Variants in MOK observed in about 807,000 individuals in gnomAD.
MOK encodes MOK protein kinase.
In MOK, 59 loss-of-function variants were observed where a neutral mutation model predicts 54.2. The observed-to-expected ratio is 1.09, with a 90% CI of 0.88 to 1.35. The LOEUF is 1.35. Among genes scored for constraint, MOK ranks in the 40% most tolerant of loss-of-function variants. The pLI is 0.00. For synonymous variants in MOK, 210 were observed against 202.7 expected (o/e 1.04, Z -0.31); for missense variants, 517 against 526.2 (o/e 0.98, Z 0.17).
intron 7 of MOK, among the ~76,000 whole-genome samples, chr14:102,248,146 G>A (rs753375876): frequency 6.6e-6 from 1 of 152,156 alleles, no homozygotes; most frequent in Non-Finnish European, 1.5e-5. Flanking sequence ...ACCTATTAAA[G>A]GGCTGGAATG....
chr14:102,246,014 A>G (rs888409258), intron 7 of MOK: 5 of 152,638 alleles, frequency 3.3e-5, no homozygotes, highest in Non-Finnish European at 7.3e-5. Flanking sequence ...CCTTTAATGG[A>G]AACACTCTAT....
chr14:102,269,811 A>T (rs2068210595), intron 2 of MOK, among the ~76,000 whole-genome samples: 1 of 152,164 alleles, frequency 6.6e-6, no homozygotes, highest in African/African-American at 2.4e-5. Flanking sequence ...GGAAAAGTTG[A>T]CAATACTAAA....
At chr14:102,304,477 AAAAAT>A (rs776846536) in intron 1 of MOK, among the ~76,000 whole-genome samples, 2 of 152,168 alleles carry the variant, frequency 1.3e-5, no homozygotes, top group Admixed American at 6.5e-5. Flanking sequence ...GCTTGACCCA[AAAAAT>A]AAAATAAAGC....
Position 102,305,135 on chromosome 14 carries a change from T to C in MOK, c.-167A>G. On this transcript the variant is annotated 5_prime_UTR_variant, in exon 1 of 12. Transcript: ENST00000361847. ...TTAGAGATCCCGCCGCCATGTTGTG[T>C]CCCTGTCACCCTAGCAACCGTCAGG... 1 of 812,026 alleles carries C rather than the reference T, an allele frequency of 1.2e-6. No individual in the cohort carries two copies. The highest frequency in any genetic ancestry group is 2.7e-5 in the East Asian group (1 of 37,176). 50.3% of individuals were successfully genotyped at this position (812,026 alleles called of 1,614,324 possible).
chr14:102,234,917 A>G (rs921151810), intron 7 of MOK: 3 of 151,286 alleles, frequency 2.0e-5, no homozygotes, highest in African/African-American at 7.4e-5. Context: ...GTCCTGCTGT[A>G]CTTTTCAAAT....
Position 102,229,185 on chromosome 14 carries a change from A to G in MOK, c.*104T>C. 1 of 1,246,460 alleles carries G rather than the reference A, an allele frequency of 8.0e-7. No homozygotes were observed. The highest frequency in any genetic ancestry group is 1.1e-6 in the Non-Finnish European group (1 of 901,982). The allele number at this position is 1,246,460 out of a possible 1,614,324, so 77.2% of individuals were successfully genotyped here. ...GCCCCGGCCAGCGCGAAACGGACGC[A>G]GGCGCATCCCCAGCCCTCCGTGGCG... On this transcript the variant is annotated 3_prime_UTR_variant, in exon 12 of 12. Coordinates refer to ENST00000361847, the MANE Select transcript of MOK (RefSeq NM_014226.3).
intron 7 of MOK, among the ~76,000 whole-genome samples, chr14:102,248,194 G>A (rs2066244738): frequency 1.3e-5 from 2 of 152,126 alleles, no homozygotes; most frequent in African/African-American, 4.8e-5. Context: ...TCTTGGTGCT[G>A]CCCACCCCTC....
Position 102,231,720 on chromosome 14 carries a change from T to C in MOK, c.968A>G (p.Glu323Gly). 6.2e-6 allele frequency: 10 copies of C among 1,611,470 alleles called. No individual in the cohort carries two copies. The highest frequency in any genetic ancestry group is 8.5e-6 in the Non-Finnish European group (10 of 1,179,144). The change falls in exon 10 of 12, where the codon GAG (glutamate) becomes GGG (glycine). Residue 323 changes from glutamate to glycine, a missense_variant. Glu to Gly is a moderately conservative substitution (Grantham distance 98). Transcript: ENST00000361847. This position sits in a 1 kb window ranked among gnomAD's most constrained non-coding sequence, Gnocchi z 4.4. ...PLSNSCQISK[E>G]GRKQKQSLKQ... The stretch of plus-strand genomic sequence containing the variant: ...TTCGCTTAGTACCTGCTTTCTGCCC[T>C]CCTTGGAAATCTGGCAGCTGTTACT...
chr14:102,277,932 A>G (rs1004490914), intron 2 of MOK, among the ~76,000 whole-genome samples: 1 of 152,172 alleles, frequency 6.6e-6, no homozygotes, highest in Non-Finnish European at 1.5e-5. Flanking sequence ...ATACGTTGAA[A>G]CCCTAAACCC....
At chr14:102,280,369 C>T (rs2069289204) in intron 2 of MOK, among the ~76,000 whole-genome samples, 1 of 151,982 alleles carries the variant, frequency 6.6e-6, no homozygotes, top group African/African-American at 2.4e-5. Context: ...CTACCGCGCC[C>T]GGCTGATTTT....
intron 2 of MOK, among the ~76,000 whole-genome samples, chr14:102,279,284 C>CGTTGTT (rs71116892): frequency 0.013 from 1,912 of 150,900 alleles, 28 homozygotes; most frequent in African/African-American, 0.028. Context: ...GCAAGAGAAC[C>CGTTGTT]GTTGTTGTTG....
At chr14:102,223,325 A>C (rs2064117506), downstream of MOK, 1 of 152,628 alleles carries the variant, frequency 6.6e-6, no homozygotes, top group African/African-American at 2.4e-5. Context: ...TCATAGAGAA[A>C]ACTGTTACTT....
chr14:102,218,340 C>T, the MOK span, among the ~76,000 whole-genome samples: 1 of 152,214 alleles, frequency 6.6e-6, no homozygotes, highest in East Asian at 1.9e-4. Context: ...CACTCACAGG[C>T]CAGGGGTCGT....
At chr14:102,220,241 TAAGG>T (rs1447082406), downstream of MOK, among the ~76,000 whole-genome samples, 3 of 152,184 alleles carry the variant, frequency 2.0e-5, no homozygotes, top group African/African-American at 7.2e-5. This position sits in a 1 kb window ranked among gnomAD's most constrained non-coding sequence, Gnocchi z 4.2. Flanking sequence ...AGAGGAAGTC[TAAGG>T]AAGGGTGCTG....
At position 102,237,586 on chromosome 14, in the gene MOK, C is replaced by A. The variant is rs558716933; in HGVS notation, c.591-3797G>T. On this transcript the variant is annotated intron_variant, in intron 7 of 11. Coordinates refer to ENST00000361847, the MANE Select transcript of MOK (RefSeq NM_014226.3). The stretch of plus-strand genomic sequence containing the variant: ...TCTCAGTGAGCCTCTAAATCCCTCA[C>A]GTAACATACTCCCCAACTTCTGCAA... 9.8e-4 allele frequency among the ~76,000 whole-genome samples: 149 copies of A among 152,326 alleles called. 1 individual carries two copies. In the Middle Eastern group the frequency reaches 0.017, roughly 17 times the overall value.
At chr14:102,288,945 C>T (rs1331082831) in intron 1 of MOK, among the ~76,000 whole-genome samples, 1 of 152,190 alleles carries the variant, frequency 6.6e-6, no homozygotes, top group Non-Finnish European at 1.5e-5. Context: ...CTCCGTTGCC[C>T]AGGCTGGAGA....
chr14:102,275,337 G>A (rs148010858), intron 2 of MOK, among the ~76,000 whole-genome samples: 8,260 of 152,250 alleles, frequency 0.054, 287 homozygotes, highest in African/African-American at 0.1. Context: ...GGCCGAGGTG[G>A]GTGGACTGTG....
chr14:102,227,817 G>C (rs538182317), downstream of MOK, among the ~76,000 whole-genome samples: 32 of 152,198 alleles, frequency 2.1e-4, no homozygotes, highest in Non-Finnish European at 4.4e-5. Context: ...CCCCGCTGTC[G>C]TGTCAGGTGG....
chr14:102,232,789 T>G lies in MOK; in HGVS notation c.693-81A>C. 201 of 1,159,376 alleles carry G rather than the reference T, an allele frequency of 1.7e-4. No individual in the cohort carries two copies. The highest frequency in any genetic ancestry group is 4.1e-4 in the Middle Eastern group (2 of 4,906). 71.8% of individuals were successfully genotyped at this position (1,159,376 alleles called of 1,614,324 possible). A position where few individuals can be genotyped will look rare whatever the true frequency, so the allele number is the denominator to read the frequency against. On this transcript the variant is annotated intron_variant, in intron 8 of 11. Transcript: ENST00000361847. The surrounding 1 kb of genome is among the most constrained non-coding windows in gnomAD (Gnocchi z 5.1). ...GGTCCACTGTCACAACTAAGGGCCC[T>G]GTGTGGTGGGGAATGGTTTATGACT...
Sources: gnomAD v4.1 joint callset for allele counts (sites outside exome capture counted in the v4.1 genomes callset) on GRCh38, gnomAD v4.1.1 for gene constraint, Gnocchi (gnomAD v3.1) non-coding constraint, MANE v1.5 for transcripts, NCBI Gene and HGNC (gene_info 2026-07-23, HGNC 2026-07-21) for gene names.